Variants in CCNE1 observed in about 807,000 individuals in gnomAD.
CCNE1 encodes the protein cyclin E1.
A neutral mutation model predicts 54.1 loss-of-function variants in CCNE1; 8 were observed. The ratio of observed to expected loss-of-function variants is 0.15; its 90% CI spans 0.09 to 0.27. The LOEUF (loss-of-function observed/expected upper bound fraction) is 0.27, where lower values mean the gene tolerates loss of function less well. Ranked by LOEUF, CCNE1 falls within the 10% of genes least tolerant of loss-of-function variation. CCNE1 has a pLI of 1.00. For synonymous variants in CCNE1, 179 were observed against 185.2 expected (o/e 0.97, Z 0.27); for missense variants, 430 against 514.9 (o/e 0.84, Z 1.60).
chr19:29,820,627 C>T (rs2145726479), intron 6 of CCNE1, 75 bp from the exon 7 acceptor site: 2 of 1,028,978 alleles, frequency 1.9e-6, no homozygotes, highest in Non-Finnish European at 2.9e-6. Context: ...TCACCAAAGT[C>T]ATTACAAGTT....
intron 5 of CCNE1, 51 bp downstream of exon 5, chr19:29,817,333 C>G (rs778451343): frequency 1.2e-6 from 2 of 1,613,598 alleles, no homozygotes; most frequent in South Asian, 1.1e-5. Flanking sequence ...TCCATGCTCC[C>G]CTTTATCCCT....
At chr19:29,815,543 T>TTA (rs1973993318) in intron 4 of CCNE1, among the ~76,000 whole-genome samples, 1 of 152,106 alleles carries the variant, frequency 6.6e-6, no homozygotes, top group South Asian at 2.1e-4. Flanking sequence ...GAGGTAGCAC[T>TTA]TACAGCCCGA....
At chr19:29,813,560 T>C (rs1973943391) in intron 4 of CCNE1, among the ~76,000 whole-genome samples, 1 of 152,194 alleles carries the variant, frequency 6.6e-6, no homozygotes, top group Non-Finnish European at 1.5e-5. Context: ...CTCCTCTTTC[T>C]GGCCCTGGAA....
intron 2 of CCNE1, 34 bp from the exon 3 acceptor site, chr19:29,812,655 T>C: frequency 6.4e-7 from 1 of 1,560,700 alleles, no homozygotes; most frequent in Non-Finnish European, 8.7e-7. Flanking sequence ...CGGCCGCGGG[T>C]GCTCACCCGG....
chr19:29,820,420 G>A lies in CCNE1; in HGVS notation c.463-282G>A, dbSNP rs112399147. Among the ~76,000 whole-genome samples the A allele has an allele frequency of 6.3e-3, 962 of 152,096 alleles. 4 individuals carry two copies. Among genetic ancestry groups the A allele is most frequent in the Non-Finnish European group, 8.9e-3 (605 of 67,990 alleles). The stretch of plus-strand genomic sequence containing the variant: ...ACAAAAATTAGCTGGGCATGGTGGC[G>A]GGTGCTGGTAATTCCAGCTACTCGG... On this transcript the variant is annotated intron_variant, in intron 6 of 11. Transcript: ENST00000262643.
At chr19:29,814,391 C>A (rs1973962421) in intron 4 of CCNE1, among the ~76,000 whole-genome samples, 1 of 152,176 alleles carries the variant, frequency 6.6e-6, no homozygotes, top group Non-Finnish European at 1.5e-5. Context: ...CAAGGATAGC[C>A]TGAGCAGTGA....
chr19:29,822,647 A>C, intron 11 of CCNE1, 44 bp downstream of exon 11: 1 of 1,572,786 alleles, frequency 6.4e-7, no homozygotes, highest in South Asian at 1.2e-5. Flanking sequence ...CCAAATTCTT[A>C]AAACTGCCTA....
Position 29,822,307 on chromosome 19 carries a change from C to G in CCNE1, c.908C>G (p.Ala303Gly). ...CCTTATGGTATACTTGCTGCTTCGG[C>G]CTTGTATCATTTCTCGTCATCTGAA... ...EFPYGILAAS[A>G]LYHFSSSELM... The change falls in exon 10 of 12, where the codon GCC (alanine) becomes GGC (glycine). Residue 303 changes from alanine to glycine, a missense_variant. Coordinates refer to ENST00000262643, the MANE Select transcript of CCNE1 (RefSeq NM_001238.4). 1 of 1,614,088 alleles carries G rather than the reference C, an allele frequency of 6.2e-7. No individual in the cohort carries two copies. Among genetic ancestry groups the G allele is most frequent in the Non-Finnish European group, 8.5e-7 (1 of 1,180,004 alleles).
rs535522927 is a variant in CCNE1, at chr19:29,812,551, C to T, written c.-5C>T. On this transcript the variant is annotated 5_prime_UTR_variant, in exon 2 of 12. Coordinates refer to ENST00000262643, the MANE Select transcript of CCNE1 (RefSeq NM_001238.4). ...CCGCAGGCCTCAGGCCGGAGCAGCCCCATCATGCCGAGGGAGCGCAGGGAG... is the reference window on the plus strand; with the variant it reads ...CCGCAGGCCTCAGGCCGGAGCAGCCTCATCATGCCGAGGGAGCGCAGGGAG... 3.4e-4 allele frequency: 513 copies of T among 1,499,926 alleles called. 1 individual carries two copies. The African/African-American group carries it at 3.6e-3, about 11-fold the overall frequency. 92.9% of individuals were successfully genotyped at this position (1,499,926 alleles called of 1,614,324 possible).
At chr19:29,816,394 G>A (rs1345337975) in intron 4 of CCNE1, among the ~76,000 whole-genome samples, 1 of 152,094 alleles carries the variant, frequency 6.6e-6, no homozygotes, top group East Asian at 1.9e-4. Context: ...TAGTGCTTTG[G>A]TTTCTAATAG....
Position 29,817,208 on chromosome 19 carries a change from C to G in CCNE1, c.252C>G (p.Asp84Glu). The change falls in exon 5 of 12, where the codon GAC becomes GAG. Residue 84 changes from aspartate to glutamate, a missense_variant. Transcript: ENST00000262643. Reference sequence around the variant, plus strand: ...CCACACCTGACAAAGAAGATGATGACCGGGTTTACCCAAACTCAACGTGCA... The same window carrying G: ...CCACACCTGACAAAGAAGATGATGAGCGGGTTTACCCAAACTCAACGTGCA... Reference protein sequence around the residue: ...LIPTPDKEDDDRVYPNSTCKP... With the variant: ...LIPTPDKEDDERVYPNSTCKP... 1.9e-6 allele frequency: 3 copies of G among 1,614,184 alleles called. No homozygotes were observed. Among genetic ancestry groups the G allele is most frequent in the Non-Finnish European group, 1.7e-6 (2 of 1,180,042 alleles).
chr19:29,820,044 C>T (rs188121684), intron 6 of CCNE1, among the ~76,000 whole-genome samples: 2 of 152,392 alleles, frequency 1.3e-5, no homozygotes, highest in Non-Finnish European at 2.9e-5. Flanking sequence ...AGCATCACTA[C>T]TCTTGCCCTG....
intron 6 of CCNE1, among the ~76,000 whole-genome samples, 197 bp from the exon 7 acceptor site, chr19:29,820,505 C>T (rs1042678456): frequency 1.3e-5 from 2 of 151,520 alleles, no homozygotes; most frequent in African/African-American, 4.9e-5. Flanking sequence ...GAACCAAGAT[C>T]ACAACACTAC....
chr19:29,812,611 G>C (rs1167761480), intron 2 of CCNE1, 33 bp downstream of exon 2: 1 of 1,539,880 alleles, frequency 6.5e-7, no homozygotes, highest in Non-Finnish European at 8.7e-7. Flanking sequence ...CGGACGGGAC[G>C]GGACGGGACG....
At chr19:29,813,394 A>G (rs190958824) in intron 4 of CCNE1, 2 of 220,548 alleles carry the variant, frequency 9.1e-6, no homozygotes, top group East Asian at 1.9e-4. Context: ...TCCAGGGGCA[A>G]AGTTGGGCTC....
intron 6 of CCNE1, among the ~76,000 whole-genome samples, chr19:29,817,768 A>G (rs568446011): frequency 6.6e-6 from 1 of 151,930 alleles, no homozygotes; most frequent in South Asian, 2.1e-4. Flanking sequence ...AATTTTTTCC[A>G]TCCAAGTTTA....
rs1242761919 is a variant in CCNE1, at chr19:29,812,694, C to T, written c.29C>T (p.Ala10Val). 2 of 1,586,910 alleles carry T rather than the reference C, an allele frequency of 1.3e-6. No homozygotes were observed. The highest frequency in any genetic ancestry group is 1.7e-6 in the Non-Finnish European group (2 of 1,168,974). ...GGTGCCACCCGGGTCCACAGGGATG[C>T]GAAGGAGCGGGACACCATGAAGGAG... Reference protein sequence around the residue: MPRERRERDAKERDTMKEDG... With the variant: MPRERRERDVKERDTMKEDG... The change falls in exon 3 of 12, where the codon GCG (alanine) becomes GTG (valine). Residue 10 changes from alanine to valine, a missense_variant. Physicochemically the swap from Ala to Val is moderately conservative, Grantham distance 64. Coordinates refer to ENST00000262643, the MANE Select transcript of CCNE1 (RefSeq NM_001238.4).
intron 7 of CCNE1, 51 bp downstream of exon 7, chr19:29,820,899 C>T (rs989927308): frequency 1.4e-6 from 2 of 1,414,226 alleles, no homozygotes; most frequent in Admixed American, 1.8e-5. Context: ...TTCTCGAGCT[C>T]CACTGAGATT....
In CCNE1 at chr19:29,822,519, G is replaced by A. The variant is rs771976083; in HGVS notation, c.1026G>A (p.Gly342=). 5.0e-6 allele frequency: 8 copies of A among 1,614,084 alleles called. No individual in the cohort carries two copies. The highest frequency in any genetic ancestry group is 6.8e-6 in the Non-Finnish European group (8 of 1,180,014). ...TTGCCATGGTTATAAGGGAGACGGG[G>A]AGCTCAAAACTGAAGCACTTCAGGG... ...VPFAMVIRET[G]SSKLKHFRGV... The change falls in exon 11 of 12, where the codon GGG becomes GGA. Residue 342 remains glycine (G), a synonymous_variant. Transcript: ENST00000262643.
Sources: allele counts gnomAD v4.1 joint callset (sites outside exome capture counted in the v4.1 genomes callset), GRCh38; gene constraint gnomAD v4.1.1; transcripts MANE v1.5; gene names NCBI Gene and HGNC (gene_info 2026-07-23, HGNC 2026-07-21).